Variants in MPPED2 observed in about 807,000 individuals in gnomAD.
The protein encoded by MPPED2 is metallophosphoesterase MPPED2.
MPPED2 carries 5 observed loss-of-function variants against 33.0 expected under a neutral mutation model. The ratio of observed to expected loss-of-function variants is 0.15; its 90% confidence interval spans 0.08 to 0.32. The LOEUF (loss-of-function observed/expected upper bound fraction) is 0.32, where lower values mean the gene tolerates loss of function less well. Ranked by LOEUF, MPPED2 falls within the 10% of genes least tolerant of loss-of-function variation. The probability of loss-of-function intolerance (pLI) is 1.00; values close to 1 mark genes in which losing one functional copy is unlikely to be tolerated. For missense variants in MPPED2, 275 were observed against 372.1 expected (o/e 0.74, Z 2.15); for synonymous variants, 136 against 141.9 (o/e 0.96, Z 0.29).
chr11:30,481,659 G>A (rs947508692), intron 4 of MPPED2, among the ~76,000 whole-genome samples: 2 of 152,098 alleles, frequency 1.3e-5, no homozygotes, highest in East Asian at 3.9e-4. Flanking sequence ...TTCCTTGACT[G>A]AAGTCACATC....
chr11:30,427,690 T>C (rs1278893541), intron 4 of MPPED2, among the ~76,000 whole-genome samples: 1 of 152,134 alleles, frequency 6.6e-6, no homozygotes, highest in Non-Finnish European at 1.5e-5. Flanking sequence ...CTTTCGTGTA[T>C]CAGTATGAAT....
At chr11:30,560,611 C>T (rs952875231) in intron 2 of MPPED2, among the ~76,000 whole-genome samples, 12 of 152,048 alleles carry the variant, frequency 7.9e-5, no homozygotes, top group Non-Finnish European at 1.5e-4. Flanking sequence ...CAAATTTGGT[C>T]ACAAAGGAAA....
chr11:30,498,217 C>A (rs72889012), intron 3 of MPPED2, among the ~76,000 whole-genome samples: 300 of 151,894 alleles, frequency 2.0e-3, no homozygotes, highest in Non-Finnish European at 3.6e-3. Context: ...CTAAGCTGAC[C>A]TGCTTGTATA....
intron 4 of MPPED2, among the ~76,000 whole-genome samples, chr11:30,443,619 G>T (rs1356697242): frequency 6.6e-6 from 1 of 152,174 alleles, no homozygotes; most frequent in African/African-American, 2.4e-5. Flanking sequence ...GATTGCAGTA[G>T]TAAGGACCTG....
At position 30,432,611 on chromosome 11, in the gene MPPED2, GT is replaced by G. The variant is rs199899955; in HGVS notation, c.537-14979del. 2.0e-4 allele frequency among the ~76,000 whole-genome samples: 31 copies of G among 151,834 alleles called. No homozygotes were observed. The East Asian group carries it at 3.5e-3, about 17-fold the overall frequency. On this transcript the variant is annotated intron_variant, in intron 4 of 6. Coordinates refer to ENST00000358117, the MANE Select transcript of MPPED2 (RefSeq NM_001584.3). ...ATGCCTGTGCAAAGTAATGACACTAGTTTTTTTTTAAAAACATACGCCCTAG... is the reference window on the plus strand; with the variant it reads ...ATGCCTGTGCAAAGTAATGACACTAGTTTTTTTTAAAAACATACGCCCTAG...
chr11:30,517,536 A>G (rs1350921104), intron 3 of MPPED2, among the ~76,000 whole-genome samples: 1 of 152,190 alleles, frequency 6.6e-6, no homozygotes, highest in African/African-American at 2.4e-5. Context: ...AACCAATCAC[A>G]CTTCAGAAAT....
chr11:30,438,539 C>T (rs546336107), intron 4 of MPPED2, among the ~76,000 whole-genome samples: 29 of 152,330 alleles, frequency 1.9e-4, no homozygotes, highest in South Asian at 8.3e-4. Flanking sequence ...ATCTATGTGC[C>T]ATGTGCTGAT....
chr11:30,536,121 G>T lies in MPPED2; in HGVS notation c.183C>A (p.Val61=), dbSNP rs1565162398. The T allele has an allele frequency of 6.2e-7, 1 of 1,613,092 alleles. No individual in the cohort carries two copies. Among genetic ancestry groups the T allele is most frequent in the Admixed American group, 1.7e-5 (1 of 59,898 alleles). ...TTCTGGAGTGTGTGTCTGAGATGCA[G>T]ACAAACCGCGTGTGGCCCGCTGGTT... The part of the protein sequence containing the change: ...TPKPAGHTRF[V]CISDTHSRTD... The change falls in exon 3 of 7, where the codon GTC becomes GTA. Residue 61 remains valine (V), a synonymous_variant. Transcript: ENST00000358117.
chr11:30,501,141 A>G (rs1050895633), intron 3 of MPPED2, among the ~76,000 whole-genome samples: 2 of 152,270 alleles, frequency 1.3e-5, no homozygotes, highest in African/African-American at 2.4e-5. Context: ...CTGACACTCT[A>G]TATTCACTCA....
chr11:30,512,123 A>G (rs1327129552), intron 3 of MPPED2, among the ~76,000 whole-genome samples: 1 of 152,210 alleles, frequency 6.6e-6, no homozygotes, highest in Non-Finnish European at 1.5e-5. Flanking sequence ...AGGCAGTAGT[A>G]ACGGTGTCCT....
At chr11:30,446,351 C>T (rs1220882126) in intron 4 of MPPED2, among the ~76,000 whole-genome samples, 3 of 152,266 alleles carry the variant, frequency 2.0e-5, no homozygotes, top group South Asian at 2.1e-4. Context: ...AAGAATTCAC[C>T]GGCTTGATCT....
chr11:30,519,918 A>G (rs1953759228), intron 3 of MPPED2, among the ~76,000 whole-genome samples: 1 of 152,220 alleles, frequency 6.6e-6, no homozygotes, highest in South Asian at 2.1e-4. Context: ...GGATTAATTT[A>G]GAGTCAGCAA....
At chr11:30,533,737 C>T (rs1394118022) in intron 3 of MPPED2, among the ~76,000 whole-genome samples, 1 of 152,140 alleles carries the variant, frequency 6.6e-6, no homozygotes, top group African/African-American at 2.4e-5. Context: ...ATTCTGCAAC[C>T]CATGCTGAAA....
intron 4 of MPPED2, among the ~76,000 whole-genome samples, chr11:30,438,223 C>T (rs1949409664): frequency 6.6e-6 from 1 of 152,122 alleles, no homozygotes; most frequent in Non-Finnish European, 1.5e-5. Context: ...AGGAGAGAGA[C>T]TTGAGAAGAA....
At chr11:30,445,165 G>T (rs774444288) in intron 4 of MPPED2, among the ~76,000 whole-genome samples, 5 of 147,280 alleles carry the variant, frequency 3.4e-5, no homozygotes, top group Non-Finnish European at 5.9e-5. Context: ...CAAAATCCAG[G>T]CTGGCTTCAG....
rs1949809381 is a variant in MPPED2, at chr11:30,446,372, G to T, written c.537-28739C>A. On this transcript the variant is annotated intron_variant, in intron 4 of 6. Transcript: ENST00000358117. ...TCACCGGCTTGATCTTGGCATCACT[G>T]AAATTATTTTTCTTTGGAGGAAGAC... Among the ~76,000 whole-genome samples the T allele has an allele frequency of 2.6e-5, 4 of 152,108 alleles. 1 individual carries two copies. The South Asian group carries it at 8.3e-4, about 31-fold the overall frequency.
intron 3 of MPPED2, among the ~76,000 whole-genome samples, chr11:30,509,685 C>T (rs1953040321): frequency 6.6e-6 from 1 of 152,160 alleles, no homozygotes; most frequent in African/African-American, 2.4e-5. Flanking sequence ...CAGTTCTATC[C>T]TTTTGCTTCC....
At chr11:30,521,252 G>GA (rs149150519) in intron 3 of MPPED2, among the ~76,000 whole-genome samples, 2,711 of 151,778 alleles carry the variant, frequency 0.018, 78 homozygotes, top group African/African-American at 0.062. Flanking sequence ...AGAAAGGAAA[G>GA]AAAAAAAACA....
chr11:30,440,743 G>C (rs1309253743), intron 4 of MPPED2, among the ~76,000 whole-genome samples: 1 of 152,152 alleles, frequency 6.6e-6, no homozygotes, highest in Non-Finnish European at 1.5e-5. Context: ...AACAATCGGA[G>C]CTGCCACTAA....
Sources: gnomAD v4.1 joint callset for allele counts (sites outside exome capture counted in the v4.1 genomes callset) on GRCh38, gnomAD v4.1.1 for gene constraint, MANE v1.5 for transcripts, NCBI Gene and HGNC (gene_info 2026-07-23, HGNC 2026-07-21) for gene names.